Variants in DLG2 observed in about 807,000 individuals in gnomAD.
DLG2 encodes the protein discs large MAGUK scaffold protein 2, also known as disks large homolog 2.
Under a neutral mutation model 132.5 loss-of-function variants are expected in DLG2, and 45 were observed. The observed-to-expected ratio is 0.34, with a 90% CI of 0.27 to 0.44. The LOEUF is 0.44. Among genes scored for constraint, DLG2 ranks in the 20% least tolerant of loss-of-function variants. The pLI is 1.00. For missense variants in DLG2, 1,045 were observed against 1,196.9 expected, an observed-to-expected ratio of 0.87 and a Z score of 1.87; for synonymous variants, 424 against 419.6, an observed-to-expected ratio of 1.01 and a Z score of -0.13.
intron 6 of DLG2, among the ~76,000 whole-genome samples, chr11:84,868,975 C>T (rs185144708): frequency 6.6e-6 from 1 of 152,244 alleles, no homozygotes; most frequent in Admixed American, 6.5e-5. Context: ...GTCAAGCTAG[C>T]ATATTGTTAA....
intron 3 of DLG2, among the ~76,000 whole-genome samples, chr11:85,322,750 C>A (rs2081165188): frequency 6.6e-6 from 1 of 152,118 alleles, no homozygotes; most frequent in Non-Finnish European, 1.5e-5. Context: ...ATCCTTGATA[C>A]CTCCCTCTCT....
intron 6 of DLG2, among the ~76,000 whole-genome samples, chr11:84,703,881 T>TATATATATATATATATATATATATATAA: frequency 8.1e-6 from 1 of 122,744 alleles, no homozygotes. Flanking sequence ...TATATATATA[T>TATATATATATATATATATATATATATAA]ATACACGTGT....
chr11:84,462,328 G>A (rs74451021), intron 7 of DLG2, among the ~76,000 whole-genome samples: 2,404 of 150,996 alleles, frequency 0.016, 74 homozygotes, highest in African/African-American at 0.055. Flanking sequence ...TCTATTTGAT[G>A]ACTATATATA....
chr11:84,637,438 A>G (rs2099642688), intron 6 of DLG2, among the ~76,000 whole-genome samples: 1 of 152,138 alleles, frequency 6.6e-6, no homozygotes, highest in Admixed American at 6.5e-5. Context: ...ACTAAGATGA[A>G]TTTTCAGCAT....
intron 8 of DLG2, among the ~76,000 whole-genome samples, chr11:84,186,280 T>C (rs912589791): frequency 1.3e-5 from 2 of 152,132 alleles, no homozygotes; most frequent in African/African-American, 4.8e-5. Context: ...TTGTTATTTC[T>C]CTGTACTTCC....
At chr11:83,691,773 C>A (rs576152729) in intron 18 of DLG2, among the ~76,000 whole-genome samples, 1 of 152,168 alleles carries the variant, frequency 6.6e-6, no homozygotes, top group Non-Finnish European at 1.5e-5. Flanking sequence ...GTCTCGGCCA[C>A]TCCTGGGTTG....
intron 6 of DLG2, among the ~76,000 whole-genome samples, chr11:84,903,315 C>G (rs892870425): frequency 1.3e-5 from 2 of 152,172 alleles, no homozygotes; most frequent in Non-Finnish European, 2.9e-5. Context: ...TCTTTCACCA[C>G]TTTCATGCCT....
At chr11:85,602,454 C>A (rs2080235358) in intron 2 of DLG2, among the ~76,000 whole-genome samples, 1 of 151,882 alleles carries the variant, frequency 6.6e-6, no homozygotes, top group Non-Finnish European at 1.5e-5. Flanking sequence ...TAAGCAGGAT[C>A]TCTCTCTGTC....
chr11:84,825,818 T>C (rs189836491), intron 6 of DLG2, among the ~76,000 whole-genome samples: 1 of 152,080 alleles, frequency 6.6e-6, no homozygotes, highest in Admixed American at 6.6e-5. Flanking sequence ...ACCTTCTTCA[T>C]CAGTCAGTCA....
intron 5 of DLG2, among the ~76,000 whole-genome samples, chr11:85,117,167 G>A (rs1440977470): frequency 6.6e-6 from 1 of 151,984 alleles, no homozygotes; most frequent in Non-Finnish European, 1.5e-5. Context: ...CATATAGGGT[G>A]GGCTGCTGTA....
chr11:83,725,825 A>G (rs1423059037), intron 18 of DLG2, among the ~76,000 whole-genome samples: 2 of 152,196 alleles, frequency 1.3e-5, no homozygotes, highest in Admixed American at 6.5e-5. Flanking sequence ...ATGGTTGGTC[A>G]TTTGATTAAG....
At chr11:84,314,221 C>T (rs1467909816) in intron 7 of DLG2, among the ~76,000 whole-genome samples, 1 of 152,212 alleles carries the variant, frequency 6.6e-6, no homozygotes, top group African/African-American at 2.4e-5. Flanking sequence ...ACATGTGAGT[C>T]CCTGAACTAT....
At chr11:84,634,008 G>GA (rs2099636482) in intron 6 of DLG2, among the ~76,000 whole-genome samples, 2 of 152,172 alleles carry the variant, frequency 1.3e-5, no homozygotes, top group East Asian at 1.9e-4. Context: ...ATTCTTTAAA[G>GA]AAAAAAAGCA....
rs903307066 is a variant in DLG2, at chr11:83,837,742, A to G, written c.1566-3972T>C. Among the ~76,000 whole-genome samples, 141 of 150,610 alleles carry G rather than the reference A, an allele frequency of 9.4e-4. No individual in the cohort carries two copies. In the East Asian group the frequency reaches 0.022, roughly 24 times the overall value. The stretch of plus-strand genomic sequence containing the variant: ...AGCAAGCAAAAAAAAAAAAAAAAAA[A>G]AAAAAGAAAAGAAAGAAAAAGTCCT... On this transcript the variant is annotated intron_variant, in intron 16 of 27. Transcript: ENST00000376104.
intron 9 of DLG2, among the ~76,000 whole-genome samples, chr11:84,124,911 C>T (rs554653108): frequency 4.5e-5 from 6 of 133,192 alleles, no homozygotes; most frequent in African/African-American, 1.4e-4. Context: ...AGTGCAATGG[C>T]GTGATCTTGG....
At chr11:83,566,888 T>C (rs188403824) in intron 19 of DLG2, among the ~76,000 whole-genome samples, 170 of 152,284 alleles carry the variant, frequency 1.1e-3, no homozygotes, top group Admixed American at 4.2e-3. Flanking sequence ...TAAAATACTG[T>C]ATGCAAATTT....
At chr11:85,192,735 C>T (rs776101453) in intron 4 of DLG2, among the ~76,000 whole-genome samples, 2 of 152,102 alleles carry the variant, frequency 1.3e-5, no homozygotes, top group Non-Finnish European at 2.9e-5. Flanking sequence ...TTCATTGTCC[C>T]GTATCATTCC....
At chr11:84,363,262 G>A (rs1350432007) in intron 7 of DLG2, among the ~76,000 whole-genome samples, 1 of 152,056 alleles carries the variant, frequency 6.6e-6, no homozygotes, top group Non-Finnish European at 1.5e-5. Flanking sequence ...GATAGCCAGT[G>A]ATGGTGAGGA....
At chr11:85,238,204 A>T (rs1023197175) in intron 4 of DLG2, among the ~76,000 whole-genome samples, 1 of 133,314 alleles carries the variant, frequency 7.5e-6, no homozygotes, top group East Asian at 2.2e-4. Flanking sequence ...TTTTATTTTT[A>T]TTTTATTTAT....
Sources: gnomAD v4.1 joint callset for allele counts (sites outside exome capture counted in the v4.1 genomes callset) on GRCh38, gnomAD v4.1.1 for gene constraint, MANE v1.5 for transcripts, NCBI Gene and HGNC (gene_info 2026-07-23, HGNC 2026-07-21) for gene names.